The following EEPD1 variants were observed in gnomAD, a reference collection of about 807,000 sequenced individuals.
EEPD1 encodes endonuclease/exonuclease/phosphatase family domain-containing protein 1.
In EEPD1, 17 loss-of-function variants were observed where a neutral mutation model predicts 46.3. The observed-to-expected ratio is 0.37, with a 90% CI of 0.25 to 0.55. EEPD1 has a LOEUF of 0.55. EEPD1 is among the 20% of genes least tolerant of loss of function. The pLI, the probability that EEPD1 is intolerant of heterozygous loss-of-function variation, is 0.83. For synonymous variants in EEPD1, 313 were observed against 315.6 expected, an observed-to-expected ratio of 0.99 and a Z score of 0.09; for missense variants, 673 against 745.6, an observed-to-expected ratio of 0.90 and a Z score of 1.13.
rs371443591 is a variant in EEPD1 at position 36,299,248 on chromosome 7, A to G, written c.*42A>G. ...TGTCCACCCTGGGACCCAGGAGGGC[A>G]CAGCCAAGGAATGAGCCCTGTGGGG... is the stretch of plus-strand genomic sequence containing the variant. On this transcript the variant is annotated 3_prime_UTR_variant, in exon 8 of 8. Coordinates refer to ENST00000242108, the MANE Select transcript of EEPD1 (RefSeq NM_030636.3). 18 of 1,594,468 alleles carry G rather than the reference A, an allele frequency of 1.1e-5. No homozygotes were observed. Among genetic ancestry groups the G allele is most frequent in the Admixed American group, 1.7e-5 (1 of 57,898 alleles).
At chr7:36,226,048 T>C (rs1786227689) in intron 2 of EEPD1, among the ~76,000 whole-genome samples, 1 of 152,222 alleles carries the variant, frequency 6.6e-6, no homozygotes, top group Non-Finnish European at 1.5e-5. Context: ...TAAGTCTGAT[T>C]AGCAAACAAA....
chr7:36,161,015 TCTTA>T (rs1342641049), intron 2 of EEPD1, among the ~76,000 whole-genome samples: 1 of 151,958 alleles, frequency 6.6e-6, no homozygotes, highest in African/African-American at 2.4e-5. Flanking sequence ...GGGTGTGGGG[TCTTA>T]CTTAGGTCCA....
chr7:36,201,252 A>C (rs1410090564), intron 2 of EEPD1, among the ~76,000 whole-genome samples: 1 of 152,206 alleles, frequency 6.6e-6, no homozygotes. Flanking sequence ...CCCTGGACCC[A>C]AAAAAGAACA....
chr7:36,226,825 T>G (rs1035389339), intron 2 of EEPD1, among the ~76,000 whole-genome samples: 15 of 151,740 alleles, frequency 9.9e-5, no homozygotes, highest in African/African-American at 3.6e-4. Context: ...AAATACATAC[T>G]TAGAGAAAAA....
chr7:36,199,091 C>T (rs7799138), intron 2 of EEPD1, among the ~76,000 whole-genome samples: 21,275 of 151,968 alleles, frequency 0.14, 1,505 homozygotes, highest in Middle Eastern at 0.19. Context: ...ATTTTGCATG[C>T]ACACATTCTT....
intron 2 of EEPD1, among the ~76,000 whole-genome samples, chr7:36,163,608 G>A (rs945552523): frequency 3.3e-5 from 5 of 152,136 alleles, no homozygotes; most frequent in Admixed American, 6.5e-5. Context: ...GGCTGGGCGC[G>A]GTGGCTCATG....
At chr7:36,239,202 C>A (rs1786510161) in intron 3 of EEPD1, among the ~76,000 whole-genome samples, 166 bp downstream of exon 3, 1 of 152,286 alleles carries the variant, frequency 6.6e-6, no homozygotes, top group African/African-American at 2.4e-5. Context: ...AGCCCCCTAC[C>A]TTGCTGACAT....
At chr7:36,158,184 C>G (rs911296722) in intron 2 of EEPD1, among the ~76,000 whole-genome samples, 3 of 152,318 alleles carry the variant, frequency 2.0e-5, no homozygotes, top group African/African-American at 7.2e-5. Flanking sequence ...CTCTATCAGG[C>G]AGCTCCTTAG....
At chr7:36,256,223 G>A (rs1214752180) in intron 3 of EEPD1, among the ~76,000 whole-genome samples, 1 of 152,162 alleles carries the variant, frequency 6.6e-6, no homozygotes, top group Non-Finnish European at 1.5e-5. Flanking sequence ...CATTTGCTGA[G>A]GAGTGTTTTA....
At chr7:36,237,857 A>C (rs752788441) in intron 2 of EEPD1, among the ~76,000 whole-genome samples, 3 of 152,206 alleles carry the variant, frequency 2.0e-5, no homozygotes, top group Non-Finnish European at 4.4e-5. Flanking sequence ...AGGCTGAGGC[A>C]GGAGAATGGC....
chr7:36,195,457 G>T lies in EEPD1; in HGVS notation c.878+40255G>T, dbSNP rs188429000. Among the ~76,000 whole-genome samples the T allele has an allele frequency of 1.5e-3, 228 of 152,304 alleles. 4 individuals carry two copies. The South Asian group carries it at 0.022, about 15-fold the overall frequency. On this transcript the variant is annotated intron_variant, in intron 2 of 7. Transcript: ENST00000242108. ...GAAGTAGAGAAAGCCATCAGAGAAGGCCCGACACCTTTATAAACTGAGTTT... is the reference window on the plus strand; with the variant it reads ...GAAGTAGAGAAAGCCATCAGAGAAGTCCCGACACCTTTATAAACTGAGTTT...
chr7:36,220,954 C>G (rs1691867244), intron 2 of EEPD1, among the ~76,000 whole-genome samples: 1 of 152,068 alleles, frequency 6.6e-6, no homozygotes, highest in African/African-American at 2.4e-5. Flanking sequence ...TGCCCACCAC[C>G]ACACACCACC....
intron 2 of EEPD1, among the ~76,000 whole-genome samples, chr7:36,232,395 G>C (rs988646256): frequency 2.6e-5 from 4 of 151,592 alleles, no homozygotes; most frequent in Admixed American, 6.6e-5. Flanking sequence ...TAGAAGAGAC[G>C]GGGTTTCACT....
chr7:36,258,641 C>T (rs1786864464), intron 3 of EEPD1, among the ~76,000 whole-genome samples: 1 of 152,108 alleles, frequency 6.6e-6, no homozygotes, highest in African/African-American at 2.4e-5. Flanking sequence ...GGAAAGCCTA[C>T]TCAAGCCTCA....
intron 2 of EEPD1, among the ~76,000 whole-genome samples, chr7:36,185,243 A>G (rs1439058445): frequency 1.3e-5 from 2 of 152,236 alleles, no homozygotes; most frequent in Non-Finnish European, 2.9e-5. Context: ...ATGGAATAGC[A>G]TGCCATGTGT....
At chr7:36,175,428 C>G (rs191740859) in intron 2 of EEPD1, among the ~76,000 whole-genome samples, 16 of 152,234 alleles carry the variant, frequency 1.1e-4, no homozygotes, top group African/African-American at 3.9e-4. Flanking sequence ...GATGAGGTCT[C>G]ACCATGTTGC....
intron 2 of EEPD1, among the ~76,000 whole-genome samples, chr7:36,165,317 G>A (rs910235591): frequency 6.6e-6 from 1 of 150,590 alleles, no homozygotes; most frequent in Non-Finnish European, 1.5e-5. Context: ...TACCATGTAG[G>A]TTTATAGCCT....
intron 2 of EEPD1, among the ~76,000 whole-genome samples, chr7:36,227,419 A>G (rs529049966): frequency 6.6e-6 from 1 of 152,312 alleles, no homozygotes; most frequent in Admixed American, 6.5e-5. Context: ...ACAGGATGCA[A>G]CGCTGTCAAG....
chr7:36,269,731 A>G (rs1464750195), intron 3 of EEPD1, among the ~76,000 whole-genome samples: 1 of 150,664 alleles, frequency 6.6e-6, no homozygotes, highest in Non-Finnish European at 1.5e-5. Flanking sequence ...TCCCATCTCT[A>G]TTCTAATTTA....
Sources: allele counts gnomAD v4.1 joint callset (sites outside exome capture counted in the v4.1 genomes callset), GRCh38; gene constraint gnomAD v4.1.1; transcripts MANE v1.5; gene names NCBI Gene and HGNC (gene_info 2026-07-23, HGNC 2026-07-21).